KDM6A: variants seen among roughly 807,000 people sequenced by gnomAD.
KDM6A encodes lysine demethylase 6A.
In KDM6A, 11 loss-of-function variants were observed where a neutral mutation model predicts 117.6. The ratio of observed to expected loss-of-function variants is 0.09; its 90% CI spans 0.06 to 0.15. KDM6A has a LOEUF of 0.15. Among genes scored for constraint, KDM6A ranks in the 10% least tolerant of loss-of-function variants. The pLI is 1.00. For synonymous variants in KDM6A, 384 were observed against 396.1 expected (o/e 0.97, Z 0.36); for missense variants, 799 against 1,077.3 (o/e 0.74, Z 3.62).
chrX:44,905,942 T>G (rs370803289), intron 2 of KDM6A, among the ~76,000 whole-genome samples: 1 of 112,436 alleles, frequency 8.9e-6, no homozygotes, highest in African/African-American at 3.2e-5. Context: ...TATGTGGCTA[T>G]AATTTTTTTT....
intron 4 of KDM6A, among the ~76,000 whole-genome samples, chrX:45,009,957 GC>G (rs2041679812): frequency 8.9e-6 from 1 of 112,072 alleles, no homozygotes; most frequent in South Asian, 3.7e-4. Context: ...TGCAACGCAG[GC>G]AGCATGACAA....
At chrX:45,070,872 G>C (rs760648698) in intron 18 of KDM6A, among the ~76,000 whole-genome samples, 4 of 110,970 alleles carry the variant, frequency 3.6e-5, no homozygotes, top group Non-Finnish European at 5.7e-5. Context: ...GGGGCAATGG[G>C]CAGTGGAGAG....
chrX:45,051,684 C>T (rs1237877022), intron 8 of KDM6A, 25 bp from the exon 9 acceptor site: 1 of 931,208 alleles, frequency 1.1e-6, no homozygotes, highest in South Asian at 2.0e-5. Flanking sequence ...TAATTTTTCT[C>T]CAAATCTCTT....
intron 27 of KDM6A, among the ~76,000 whole-genome samples, chrX:45,098,840 A>T (rs768271861): frequency 8.9e-6 from 1 of 111,998 alleles, no homozygotes; most frequent in Non-Finnish European, 1.9e-5. Flanking sequence ...TCATTCAACT[A>T]TGATGGTTTT....
intron 2 of KDM6A, among the ~76,000 whole-genome samples, chrX:44,942,541 T>C (rs1043326543): frequency 1.8e-5 from 2 of 110,443 alleles, no homozygotes; most frequent in African/African-American, 6.6e-5. Context: ...AATTAGGTAA[T>C]ATATATCCTC....
intron 2 of KDM6A, among the ~76,000 whole-genome samples, chrX:44,885,165 A>G (rs926326490): frequency 1.8e-5 from 2 of 108,229 alleles, no homozygotes; most frequent in Non-Finnish European, 1.9e-5. Context: ...ACGTGGGACT[A>G]TAGGCATGTG....
chrX:44,884,313 G>A (rs960669578), intron 2 of KDM6A, among the ~76,000 whole-genome samples: 1 of 110,025 alleles, frequency 9.1e-6, no homozygotes, highest in Non-Finnish European at 1.9e-5. Flanking sequence ...GAAGTGACAT[G>A]ACCAGAAGTA....
At chrX:44,944,224 C>T (rs1483720342) in intron 2 of KDM6A, among the ~76,000 whole-genome samples, 4 of 110,043 alleles carry the variant, frequency 3.6e-5, no homozygotes, top group Admixed American at 9.7e-5. Flanking sequence ...TGGTGTTGGG[C>T]GCCTGTAATT....
At chrX:45,071,280 A>C (rs2044820242) in intron 18 of KDM6A, among the ~76,000 whole-genome samples, 1 of 112,284 alleles carries the variant, frequency 8.9e-6, no homozygotes, top group South Asian at 3.6e-4. Flanking sequence ...TATATAGAAA[A>C]TAACCATTCT....
At chrX:44,941,416 A>G (rs1485502780) in intron 2 of KDM6A, among the ~76,000 whole-genome samples, 1 of 110,093 alleles carries the variant, frequency 9.1e-6, no homozygotes, top group Non-Finnish European at 1.9e-5. Flanking sequence ...TTCTTAGGCA[A>G]TGCAAGATTC....
chrX:45,031,455 C>G (rs2147753364), intron 6 of KDM6A, among the ~76,000 whole-genome samples: 1 of 111,844 alleles, frequency 8.9e-6, no homozygotes, highest in East Asian at 2.8e-4. Flanking sequence ...ATAAAGGTTT[C>G]TGGGGCAAGC....
At chrX:44,931,598 G>A (rs1489370450) in intron 2 of KDM6A, among the ~76,000 whole-genome samples, 1 of 111,218 alleles carries the variant, frequency 9.0e-6, no homozygotes, top group Non-Finnish European at 1.9e-5. Flanking sequence ...GATGAAATAT[G>A]CCAGTCATAA....
At chrX:44,944,419 C>G (rs181534019) in intron 2 of KDM6A, among the ~76,000 whole-genome samples, 1 of 111,634 alleles carries the variant, frequency 9.0e-6, no homozygotes, top group Non-Finnish European at 1.9e-5. Flanking sequence ...ATTTGCCTTT[C>G]CATATACATT....
chrX:44,956,922 G>A (rs1483069198), intron 2 of KDM6A, among the ~76,000 whole-genome samples: 1 of 110,304 alleles, frequency 9.1e-6, no homozygotes, highest in Non-Finnish European at 1.9e-5. Context: ...TTGAGGTCAG[G>A]AGTTCGAGAC....
At chrX:45,004,579 CTCAG>C (rs1306856038) in intron 4 of KDM6A, among the ~76,000 whole-genome samples, 1 of 111,248 alleles carries the variant, frequency 9.0e-6, no homozygotes, top group Non-Finnish European at 1.9e-5. Flanking sequence ...CATTTGCTCC[CTCAG>C]TCTGTCTAGG....
intron 4 of KDM6A, among the ~76,000 whole-genome samples, chrX:45,007,755 T>C (rs1187650290): frequency 1.8e-5 from 2 of 111,310 alleles, no homozygotes; most frequent in Non-Finnish European, 3.8e-5. Flanking sequence ...GTAACAAATA[T>C]ATGGTGTAAT....
intron 2 of KDM6A, among the ~76,000 whole-genome samples, chrX:44,886,126 T>G (rs1169664599): frequency 1.8e-5 from 2 of 108,928 alleles, no homozygotes; most frequent in African/African-American, 6.7e-5. Context: ...GGTGCAATCT[T>G]GGCTCACTGC....
At chrX:45,068,620 C>T (rs377454158) in intron 17 of KDM6A, among the ~76,000 whole-genome samples, 1 of 105,497 alleles carries the variant, frequency 9.5e-6, no homozygotes, top group East Asian at 3.0e-4. Context: ...GGCTGGAGTA[C>T]AGTGGCACCA....
At chrX:44,928,453 G>T (rs143029919) in intron 2 of KDM6A, among the ~76,000 whole-genome samples, 1 of 111,663 alleles carries the variant, frequency 9.0e-6, no homozygotes, top group Admixed American at 9.5e-5. Context: ...GACGATGGGG[G>T]TTTAATGAGA....
Sources: gnomAD v4.1 joint callset for allele counts (sites outside exome capture counted in the v4.1 genomes callset) on GRCh38, gnomAD v4.1.1 for gene constraint, MANE v1.5 for transcripts, NCBI Gene and HGNC (gene_info 2026-07-23, HGNC 2026-07-21) for gene names.